IL1RAPL1: variants seen among roughly 807,000 people sequenced by gnomAD.
IL1RAPL1 encodes interleukin 1 receptor accessory protein like 1.
IL1RAPL1 carries 3 observed loss-of-function variants against 48.4 expected under a neutral mutation model. That is an observed-to-expected ratio of 0.06 (90% CI 0.03 to 0.16). The LOEUF is 0.16. Among genes scored for constraint, IL1RAPL1 ranks in the 10% least tolerant of loss-of-function variants. The probability of loss-of-function intolerance (pLI) is 1.00; values close to 1 mark genes in which losing one functional copy is unlikely to be tolerated. For synonymous variants in IL1RAPL1, 185 were observed against 187.7 expected (o/e 0.99, Z 0.12); for missense variants, 349 against 530.6 (o/e 0.66, Z 3.36).
chrX:29,738,181 C>G (rs1928097854), intron 6 of IL1RAPL1, among the ~76,000 whole-genome samples: 1 of 111,260 alleles, frequency 9.0e-6, no homozygotes, highest in South Asian at 3.8e-4. Context: ...AACCTTATTC[C>G]TTTTTTCCAC....
intron 5 of IL1RAPL1, among the ~76,000 whole-genome samples, chrX:29,400,039 T>C (rs944804853): frequency 9.0e-6 from 1 of 111,523 alleles, no homozygotes; most frequent in African/African-American, 3.3e-5. Flanking sequence ...ACTCTATCAA[T>C]CTGACATACA....
intron 3 of IL1RAPL1, among the ~76,000 whole-genome samples, chrX:29,310,186 A>C (rs1340035957): frequency 9.4e-6 from 1 of 106,135 alleles, no homozygotes; most frequent in East Asian, 2.9e-4. Flanking sequence ...TAAGGAAAGA[A>C]TCCTAGTCTC....
At chrX:28,876,767 C>A (rs201380234) in intron 2 of IL1RAPL1, among the ~76,000 whole-genome samples, 2 of 98,636 alleles carry the variant, frequency 2.0e-5, no homozygotes, top group Admixed American at 2.2e-4. Flanking sequence ...AAAAAAAAAA[C>A]TAACAACATA....
At chrX:29,858,837 G>A (rs760925297) in intron 6 of IL1RAPL1, among the ~76,000 whole-genome samples, 18 of 110,330 alleles carry the variant, frequency 1.6e-4, no homozygotes, top group African/African-American at 5.9e-4. Context: ...GTCCTGCATG[G>A]CATCACACTT....
At chrX:29,907,891 A>G (rs1284401804) in intron 6 of IL1RAPL1, among the ~76,000 whole-genome samples, 3 of 111,481 alleles carry the variant, frequency 2.7e-5, no homozygotes, top group Non-Finnish European at 5.7e-5. Context: ...TCTATTTTCT[A>G]ATTAGTAACT....
At chrX:29,612,448 G>C (rs891040554) in intron 5 of IL1RAPL1, among the ~76,000 whole-genome samples, 1 of 109,452 alleles carries the variant, frequency 9.1e-6, no homozygotes, top group African/African-American at 3.3e-5. Context: ...TACAATGAAA[G>C]AGCACAGGAG....
chrX:28,725,117 AT>A (rs1935653425), intron 1 of IL1RAPL1, among the ~76,000 whole-genome samples: 1 of 108,805 alleles, frequency 9.2e-6, no homozygotes, highest in African/African-American at 3.4e-5. Flanking sequence ...CGCCCGGCTA[AT>A]TTTTTGTATT....
chrX:29,160,796 G>A (rs2147505509), intron 2 of IL1RAPL1, among the ~76,000 whole-genome samples: 1 of 112,539 alleles, frequency 8.9e-6, no homozygotes, highest in Non-Finnish European at 1.9e-5. Context: ...GCTCATGCCT[G>A]TCATCCCAGC....
At chrX:29,707,176 A>G (rs1017440169) in intron 6 of IL1RAPL1, among the ~76,000 whole-genome samples, 1 of 111,992 alleles carries the variant, frequency 8.9e-6, no homozygotes, top group South Asian at 3.7e-4. Flanking sequence ...GCCAACAAGC[A>G]TATGGAAAAA....
rs1922887851 is a variant in IL1RAPL1, at chrX:28,895,366, C to A, written c.82+105941C>A. Among the ~76,000 whole-genome samples, 3 of 107,213 alleles carry A rather than the reference C, an allele frequency of 2.8e-5. No homozygotes were observed. The Admixed American group carries it at 3.0e-4, about 11-fold the overall frequency. The allele number at this position is 107,213 out of a possible 115,157, so 93.1% of individuals were successfully genotyped here. A position where few individuals can be genotyped will look rare whatever the true frequency, so the allele number is the denominator to read the frequency against. On this transcript the variant is annotated intron_variant, in intron 2 of 10. Transcript: ENST00000378993. ...AGCGTGCTGTGGGATGGGATATTGGCATTGAGGGGGGTAAGGGTGATTAGG... is the reference window on the plus strand; with the variant it reads ...AGCGTGCTGTGGGATGGGATATTGGAATTGAGGGGGGTAAGGGTGATTAGG...
intron 2 of IL1RAPL1, among the ~76,000 whole-genome samples, chrX:29,156,720 G>A (rs1214270137): frequency 2.7e-5 from 3 of 111,479 alleles, no homozygotes; most frequent in Non-Finnish European, 5.7e-5. Context: ...TCCAGATCAG[G>A]CATCTATACT....
At chrX:29,739,868 G>C (rs1053477719) in intron 6 of IL1RAPL1, among the ~76,000 whole-genome samples, 1 of 110,023 alleles carries the variant, frequency 9.1e-6, no homozygotes, top group Non-Finnish European at 1.9e-5. Flanking sequence ...AGAGCAGCCT[G>C]GTCAACACAG....
intron 3 of IL1RAPL1, among the ~76,000 whole-genome samples, chrX:29,335,544 G>A (rs1932981596): frequency 9.1e-6 from 1 of 109,920 alleles, no homozygotes; most frequent in Admixed American, 9.7e-5. Flanking sequence ...ATGTTATAAT[G>A]TATTAGTCTC....
chrX:29,052,760 C>T (rs767263354), intron 2 of IL1RAPL1, among the ~76,000 whole-genome samples: 38 of 111,488 alleles, frequency 3.4e-4, no homozygotes, highest in Middle Eastern at 4.6e-3. Flanking sequence ...CAACCGCCGC[C>T]TCCCGGGTTC....
chrX:29,652,772 C>A (rs182926031), intron 5 of IL1RAPL1, among the ~76,000 whole-genome samples: 2 of 111,807 alleles, frequency 1.8e-5, no homozygotes. Context: ...AAACAAAGAT[C>A]ATTCAAGCCT....
intron 1 of IL1RAPL1, among the ~76,000 whole-genome samples, chrX:28,766,437 G>A (rs1441553424): frequency 9.0e-6 from 1 of 110,618 alleles, no homozygotes; most frequent in African/African-American, 3.3e-5. Flanking sequence ...TATATATTTT[G>A]GGGATATATG....
intron 2 of IL1RAPL1, among the ~76,000 whole-genome samples, chrX:29,110,523 C>T (rs73210063): frequency 0.042 from 4,714 of 111,436 alleles, 91 homozygotes; most frequent in Middle Eastern, 0.07. Context: ...ATTAGGTTTA[C>T]GTATTGTAAG....
intron 1 of IL1RAPL1, among the ~76,000 whole-genome samples, chrX:28,592,113 T>C (rs981772659): frequency 3.6e-5 from 4 of 111,873 alleles, no homozygotes; most frequent in Admixed American, 9.5e-5. Flanking sequence ...TAACTTTCAC[T>C]CAGTACTCAG....
chrX:29,252,657 G>C lies in IL1RAPL1; in HGVS notation c.83-30281G>C, dbSNP rs1479162101. On this transcript the variant is annotated intron_variant, in intron 2 of 10. Coordinates refer to ENST00000378993, the MANE Select transcript of IL1RAPL1 (RefSeq NM_014271.4). ...TCTAGTTTTGTACAAGGTTGTGGGT[G>C]ATACAATCTTATGTCATTTTTAAAT... 1.1e-4 allele frequency among the ~76,000 whole-genome samples: 12 copies of C among 104,831 alleles called. No individual in the cohort carries two copies. The Admixed American group carries it at 1.2e-3, about 11-fold the overall frequency. 91.0% of individuals were successfully genotyped at this position (104,831 alleles called of 115,157 possible). A position where few individuals can be genotyped will look rare whatever the true frequency, so the allele number is the denominator to read the frequency against.
Sources: gnomAD v4.1 joint callset for allele counts (sites outside exome capture counted in the v4.1 genomes callset) on GRCh38, gnomAD v4.1.1 for gene constraint, MANE v1.5 for transcripts, NCBI Gene and HGNC (gene_info 2026-07-23, HGNC 2026-07-21) for gene names.